The following ZNF362 variants were observed in gnomAD, a reference collection of about 807,000 sequenced individuals.
ZNF362 encodes the protein rotund homolog.
In ZNF362, 11 loss-of-function variants were observed where a neutral mutation model predicts 42.9. The observed-to-expected ratio is 0.26, with a 90% confidence interval of 0.16 to 0.42. The LOEUF is 0.42. ZNF362 is among the 20% of genes least tolerant of loss of function. The probability of loss-of-function intolerance (pLI) is 1.00; values close to 1 mark genes in which losing one functional copy is unlikely to be tolerated. For missense variants in ZNF362, 362 were observed against 576.2 expected, an observed-to-expected ratio of 0.63 and a Z score of 3.81; for synonymous variants, 255 against 257.3, an observed-to-expected ratio of 0.99 and a Z score of 0.09.
chr1:33,256,703 C>A, intron 1 of ZNF362, 49 bp downstream of exon 1: 1 of 144,902 alleles, frequency 6.9e-6, no homozygotes, highest in South Asian at 2.0e-4. Flanking sequence ...CGGCGGCGGG[C>A]GCCTGCCCGC....
rs1436897442 is a variant in ZNF362 at position 33,256,791 on chromosome 1, G to T, written c.-89+137G>T. 4 of 145,692 alleles carry T rather than the reference G, an allele frequency of 2.7e-5. No homozygotes were observed. The East Asian group carries it at 6.1e-4, about 22-fold the overall frequency. The allele number at this position is 145,692 out of a possible 1,614,324, so 9.0% of individuals were successfully genotyped here. On this transcript the variant is annotated intron_variant, in intron 1 of 8. Coordinates refer to ENST00000539719, the MANE Select transcript of ZNF362 (RefSeq NM_152493.3). ...TCAGCGCGGGCCGGGGCGCTCCGAG[G>T]GCCCGGGGCCGCCTGCGCCTCGGGC...
the ZNF362 span, among the ~76,000 whole-genome samples, chr1:33,218,341 TGAGGCAGGAGGATGACTTGAGCCCTG>T: frequency 5.9e-5 from 9 of 152,114 alleles, no homozygotes; most frequent in Admixed American, 5.9e-4. Context: ...CTTGAGAAAC[TGAGGCAGGAGGATGACTTGAGCCCTG>T]GAGGTCGAGG....
At chr1:33,206,214 A>G in the ZNF362 span, among the ~76,000 whole-genome samples, 1 of 152,176 alleles carries the variant, frequency 6.6e-6, no homozygotes, top group African/African-American at 2.4e-5. Flanking sequence ...TGAAAACTAC[A>G]ATAAGATACT....
the ZNF362 span, among the ~76,000 whole-genome samples, chr1:33,238,381 T>TAATAAAATAAAATAAAATAAATAAAATA: frequency 1.0e-4 from 11 of 105,518 alleles, no homozygotes; most frequent in African/African-American, 2.8e-4. Flanking sequence ...TAAAATAAAA[T>TAATAAAATAAAATAAAATAAATAAAATA]AAATAAAATA....
intron 6 of ZNF362, among the ~76,000 whole-genome samples, chr1:33,292,110 T>C (rs1646082837): frequency 6.6e-6 from 1 of 152,206 alleles, no homozygotes. Flanking sequence ...CTATGTTGAA[T>C]AGGAGTGGTG....
Position 33,294,149 on chromosome 1 carries a change from G to A in ZNF362, c.909-788G>A, listed in dbSNP as rs375031972. 2.0e-4 allele frequency among the ~76,000 whole-genome samples: 31 copies of A among 152,332 alleles called. No individual in the cohort carries two copies. The highest frequency in any genetic ancestry group is 1.4e-3 in the Admixed American group (22 of 15,302). ...AATGTAATGAATGTGAATGAATAACGATAACTGGCAAACGTTGAGTGCTTA... is the reference window on the plus strand; with the variant it reads ...AATGTAATGAATGTGAATGAATAACAATAACTGGCAAACGTTGAGTGCTTA... On this transcript the variant is annotated intron_variant, in intron 6 of 8. Coordinates refer to ENST00000539719, the MANE Select transcript of ZNF362 (RefSeq NM_152493.3). This position sits in a 1 kb window ranked among gnomAD's most constrained non-coding sequence, Gnocchi z 4.2.
the ZNF362 span, among the ~76,000 whole-genome samples, chr1:33,148,689 CACA>C: frequency 6.6e-6 from 1 of 152,084 alleles, no homozygotes; most frequent in South Asian, 2.1e-4. Context: ...CATATACACA[CACA>C]ACACTTGAAA....
intron 1 of ZNF362, among the ~76,000 whole-genome samples, chr1:33,265,873 ACC>A (rs1387815479): frequency 6.6e-6 from 1 of 152,044 alleles, no homozygotes; most frequent in African/African-American, 2.4e-5. Flanking sequence ...GGCTCCAGCC[ACC>A]CCACCCTTCT....
chr1:33,279,263 GA>G (rs1286759956), intron 4 of ZNF362, among the ~76,000 whole-genome samples: 1 of 152,068 alleles, frequency 6.6e-6, no homozygotes, highest in African/African-American at 2.4e-5. Context: ...GGGCTCAAGT[GA>G]TACTCCTACC....
At chr1:33,146,912 GGTT>G in the ZNF362 span, 1 of 502,394 alleles carries the variant, frequency 2.0e-6, no homozygotes, top group South Asian at 2.4e-5. Context: ...GTTGGGCAGG[GGTT>G]GCCCTGAGGA....
rs930855096 is a variant in ZNF362 at position 33,280,355 on chromosome 1, G to A, written c.581G>A (p.Arg194His). 8.7e-6 allele frequency: 14 copies of A among 1,613,952 alleles called. No homozygotes were observed. Among genetic ancestry groups the A allele is most frequent in the Admixed American group, 1.7e-5 (1 of 60,026 alleles). Residue 194 changes from arginine (R) to histidine (H), a missense_variant, in exon 5 of 9, where the codon CGC becomes CAC. Physicochemically the swap from Arg to His is conservative, Grantham distance 29. Coordinates refer to ENST00000539719, the MANE Select transcript of ZNF362 (RefSeq NM_152493.3). This position sits in a 1 kb window ranked among gnomAD's most constrained non-coding sequence, Gnocchi z 5.6. ...GGCCCCCCCAAGTCCGAACGCGGCC[G>A]CAAAAAGATCAAGGCGGAGAACCCG... is the stretch of plus-strand genomic sequence containing the variant. ...LLGPPKSERG[R>H]KKIKAENPGG...
chr1:33,193,136 A>T, the ZNF362 span, among the ~76,000 whole-genome samples: 2 of 152,104 alleles, frequency 1.3e-5, no homozygotes, highest in Non-Finnish European at 2.9e-5. Context: ...TAGGTAAAAT[A>T]TAAAAAGTAC....
At chr1:33,259,424 C>T (rs552435413) in intron 1 of ZNF362, among the ~76,000 whole-genome samples, 3 of 152,236 alleles carry the variant, frequency 2.0e-5, no homozygotes, top group East Asian at 1.9e-4. Context: ...AGGTGGGGAC[C>T]GGGTCTGAAG....
At chr1:33,199,143 A>C in the ZNF362 span, among the ~76,000 whole-genome samples, 2 of 152,298 alleles carry the variant, frequency 1.3e-5, no homozygotes, top group Admixed American at 1.3e-4. Context: ...TCCAAATTTG[A>C]TGAAAACTAT....
At chr1:33,260,526 C>G (rs779129387) in intron 1 of ZNF362, among the ~76,000 whole-genome samples, 3 of 152,238 alleles carry the variant, frequency 2.0e-5, no homozygotes, top group Non-Finnish European at 4.4e-5. Context: ...GCTTCCTACT[C>G]TCACTCTCTC....
At chr1:33,255,040 C>G (rs1557783635), upstream of ZNF362, among the ~76,000 whole-genome samples, 1 of 152,132 alleles carries the variant, frequency 6.6e-6, no homozygotes, top group African/African-American at 2.4e-5. Context: ...CCTCTGTGCT[C>G]TCCCGCCATG....
the ZNF362 span, among the ~76,000 whole-genome samples, chr1:33,184,612 T>A: frequency 6.6e-6 from 1 of 152,198 alleles, no homozygotes; most frequent in Non-Finnish European, 1.5e-5. Flanking sequence ...TCAAAAGGGC[T>A]GATGGAGCAA....
At chr1:33,296,159 T>C (rs1646122086) in intron 8 of ZNF362, among the ~76,000 whole-genome samples, 1 of 152,194 alleles carries the variant, frequency 6.6e-6, no homozygotes. Context: ...GCAGAGACTC[T>C]CGGCCCTAGT....
In ZNF362 at chr1:33,271,194, T is replaced by G. The variant is rs1374375524; in HGVS notation, c.38+582T>G. 3.9e-5 allele frequency among the ~76,000 whole-genome samples: 6 copies of G among 152,176 alleles called. 1 individual carries two copies. The East Asian group carries it at 1.2e-3, about 29-fold the overall frequency. ...CAGGCCTAGGAGTCAGGGAGCAGCC[T>G]TTAAGGTCTGGCCCCAGCTGCTGGC... On this transcript the variant is annotated intron_variant, in intron 2 of 8. Transcript: ENST00000539719.
Sources: gnomAD v4.1 joint callset for allele counts (sites outside exome capture counted in the v4.1 genomes callset) on GRCh38, gnomAD v4.1.1 for gene constraint, Gnocchi (gnomAD v3.1) non-coding constraint, MANE v1.5 for transcripts, NCBI Gene and HGNC (gene_info 2026-07-23, HGNC 2026-07-21) for gene names.